Variants in STX3 observed in about 807,000 individuals in gnomAD.
STX3 encodes the protein syntaxin-3.
STX3 carries 19 observed loss-of-function variants against 40.2 expected under a neutral mutation model. The ratio of observed to expected loss-of-function variants is 0.47; its 90% CI spans 0.33 to 0.69. STX3 has a LOEUF of 0.69. Ranked by LOEUF, STX3 falls within the 30% of genes least tolerant of loss-of-function variation. STX3 has a pLI of 0.02. For missense variants in STX3, 364 were observed against 366.7 expected, an observed-to-expected ratio of 0.99 and a Z score of 0.06; for synonymous variants, 122 against 132.2, an observed-to-expected ratio of 0.92 and a Z score of 0.53.
chr11:59,756,231 C>T (rs1590736504), intron 1 of STX3, among the ~76,000 whole-genome samples: 1 of 152,140 alleles, frequency 6.6e-6, no homozygotes, highest in Non-Finnish European at 1.5e-5. Context: ...AGGTAGACTA[C>T]CTCCAGCCTT....
rs369530989 is a variant in STX3, at chr11:59,788,904, T to C, written c.246T>C (p.Thr82=). 6.8e-6 allele frequency: 11 copies of C among 1,612,300 alleles called. No individual in the cohort carries two copies. In the African/African-American group the frequency reaches 1.3e-4, roughly 20 times the overall value. The change falls in exon 4 of 11, where the codon ACT becomes ACC. Residue 82 remains threonine (T), a synonymous_variant. Transcript: ENST00000337979. The part of the protein sequence containing the change: ...KTKDDLEQLT[T]EIKKRANNVR... ...AGGATGACCTAGAGCAGCTCACGAC[T>C]GAGATTAAGAAAAGGGCCAACAACG...
intron 1 of STX3, among the ~76,000 whole-genome samples, chr11:59,764,702 G>A (rs1230359229): frequency 6.6e-6 from 1 of 152,158 alleles, no homozygotes; most frequent in Non-Finnish European, 1.5e-5. Flanking sequence ...GGCTCCCACA[G>A]ACTTGCCTGT....
rs374261180 is a variant in STX3 at position 59,799,861 on chromosome 11, G to T, written c.*31-994G>T. 1.2e-5 allele frequency: 12 copies of T among 985,108 alleles called. No homozygotes were observed. The African/African-American group carries it at 2.1e-4, about 17-fold the overall frequency. The allele number at this position is 985,108 out of a possible 1,614,324, so 61.0% of individuals were successfully genotyped here. A position where few individuals can be genotyped will look rare whatever the true frequency, so the allele number is the denominator to read the frequency against. On this transcript the variant is annotated intron_variant, in intron 10 of 10. Coordinates refer to ENST00000337979, the MANE Select transcript of STX3 (RefSeq NM_004177.5). ...TTCTGGCACTTGGAGTCTAGCCCTT[G>T]ACTTTTTTGTATGTGAACTTTAAAT...
At chr11:59,790,147 C>T (rs965607162) in intron 4 of STX3, among the ~76,000 whole-genome samples, 2 of 152,162 alleles carry the variant, frequency 1.3e-5, no homozygotes, top group African/African-American at 4.8e-5. Flanking sequence ...TGTGTCTTCT[C>T]ATTTAATCTT....
chr11:59,790,173 A>C (rs1440217274), intron 4 of STX3, among the ~76,000 whole-genome samples: 1 of 152,158 alleles, frequency 6.6e-6, no homozygotes, highest in Non-Finnish European at 1.5e-5. Context: ...TAGTATTGTG[A>C]GGGAGGGACT....
chr11:59,787,012 A>C (rs768743818), intron 2 of STX3, 25 bp from the exon 3 acceptor site: 1 of 1,596,992 alleles, frequency 6.3e-7, no homozygotes, highest in Non-Finnish European at 8.6e-7. Flanking sequence ...TTTGATGATG[A>C]AGGTTATTGT....
At chr11:59,799,105 G>T (rs1381848048) in intron 10 of STX3, among the ~76,000 whole-genome samples, 1 of 151,296 alleles carries the variant, frequency 6.6e-6, no homozygotes, top group Non-Finnish European at 1.5e-5. Flanking sequence ...ACCCAGGCTG[G>T]TCTTGAACTC....
chr11:59,775,386 T>C (rs1429109629), intron 2 of STX3, among the ~76,000 whole-genome samples: 1 of 152,222 alleles, frequency 6.6e-6, no homozygotes, highest in Non-Finnish European at 1.5e-5. Context: ...TTGAAGTCTT[T>C]CTAGCTCATC....
chr11:59,777,681 A>G (rs1864056007), intron 2 of STX3, among the ~76,000 whole-genome samples: 1 of 152,248 alleles, frequency 6.6e-6, no homozygotes, highest in Middle Eastern at 3.2e-3. Context: ...GTTCTAGGTC[A>G]GCATCACTGT....
Position 59,773,088 on chromosome 11 carries a change from A to G in STX3, c.31-123A>G, listed in dbSNP as rs186280739. The G allele has an allele frequency of 9.1e-6, 8 of 882,604 alleles. No homozygotes were observed. In the East Asian group the frequency reaches 2.0e-4, roughly 22 times the overall value. The allele number at this position is 882,604 out of a possible 1,614,324, so 54.7% of individuals were successfully genotyped here. On this transcript the variant is annotated intron_variant, in intron 1 of 10. Transcript: ENST00000337979. ...GAATTTGATATATCAGAGAGCTGTT[A>G]TGAGTTTTAAAGGAAATTATGTGTA...
Position 59,755,425 on chromosome 11 carries a change from A to AGGCTCCCGTGGCCTC in STX3, c.-178_-164dup. ...GGGGGCGGAGGGGGCTGCGCGGCGGAGGCTCCCGTGGCCTCGGACGCTCCT... is the reference window on the plus strand; with the variant it reads ...GGGGGCGGAGGGGGCTGCGCGGCGGAGGCTCCCGTGGCCTCGGCTCCCGTGGCCTCGGACGCTCCT... On this transcript the variant is annotated 5_prime_UTR_variant, in exon 1 of 11. Coordinates refer to ENST00000337979, the MANE Select transcript of STX3 (RefSeq NM_004177.5). 2 of 532,454 alleles carry AGGCTCCCGTGGCCTC rather than the reference A, an allele frequency of 3.8e-6. No homozygotes were observed. Among genetic ancestry groups the AGGCTCCCGTGGCCTC allele is most frequent in the Non-Finnish European group, 5.8e-6 (2 of 342,946 alleles). The allele number at this position is 532,454 out of a possible 1,614,324, so 33.0% of individuals were successfully genotyped here. A position where few individuals can be genotyped will look rare whatever the true frequency, so the allele number is the denominator to read the frequency against.
intron 1 of STX3, among the ~76,000 whole-genome samples, chr11:59,766,310 A>C (rs1198193609): frequency 6.7e-6 from 1 of 149,968 alleles, no homozygotes; most frequent in Non-Finnish European, 1.5e-5. Context: ...TTAACTTGGA[A>C]AGGAGGGACA....
chr11:59,778,663 GCTT>G, intron 2 of STX3, among the ~76,000 whole-genome samples: 1 of 152,244 alleles, frequency 6.6e-6, no homozygotes, highest in Non-Finnish European at 1.5e-5. Flanking sequence ...AATGCTTCCT[GCTT>G]CTTTCTTCTC....
At chr11:59,759,185 T>C (rs538893400) in intron 1 of STX3, among the ~76,000 whole-genome samples, 41 of 152,346 alleles carry the variant, frequency 2.7e-4, no homozygotes, top group Non-Finnish European at 4.7e-4. Flanking sequence ...TATCTAATCC[T>C]CTCAACCCTG....
chr11:59,759,012 T>C (rs1862885766), intron 1 of STX3, among the ~76,000 whole-genome samples: 1 of 152,184 alleles, frequency 6.6e-6, no homozygotes, highest in South Asian at 2.1e-4. Context: ...TTGGCCAGTC[T>C]TTGGAAGATG....
At chr11:59,781,974 G>C (rs937897150) in intron 2 of STX3, among the ~76,000 whole-genome samples, 1 of 152,164 alleles carries the variant, frequency 6.6e-6, no homozygotes, top group Non-Finnish European at 1.5e-5. Flanking sequence ...TCAACTAGAG[G>C]TACAAGGTAC....
chr11:59,793,239 G>T (rs1865311768), intron 7 of STX3, 67 bp downstream of exon 7: 5 of 1,607,834 alleles, frequency 3.1e-6, no homozygotes, highest in Non-Finnish European at 4.3e-6. Flanking sequence ...CGGAGCTCAT[G>T]CAGTCCAGCA....
rs75334454 is a variant in STX3, at chr11:59,801,822, CA to C, written c.*1009del. 1,537 of 668,724 alleles carry C rather than the reference CA, an allele frequency of 2.3e-3. No individual in the cohort carries two copies. Among genetic ancestry groups the C allele is most frequent in the Non-Finnish European group, 2.4e-3 (1,339 of 548,850 alleles). The allele number at this position is 668,724 out of a possible 1,614,324, so 41.4% of individuals were successfully genotyped here. A position where few individuals can be genotyped will look rare whatever the true frequency, so the allele number is the denominator to read the frequency against. On this transcript the variant is annotated 3_prime_UTR_variant, in exon 11 of 11. Transcript: ENST00000337979. ...ATAAAAATGGAAGCTATTATGACCT[CA>C]AAAAAAAAAAGCCAACTTTGAGCTA...
At chr11:59,781,100 T>TTTTTTTTTTTTTTTTTATATA (rs963410109) in intron 2 of STX3, among the ~76,000 whole-genome samples, 10 of 146,302 alleles carry the variant, frequency 6.8e-5, no homozygotes, top group African/African-American at 2.3e-4. Context: ...TTTTTTTTTT[T>TTTTTTTTTTTTTTTTTATATA]TATATTAGCA....
Sources: allele counts gnomAD v4.1 joint callset (sites outside exome capture counted in the v4.1 genomes callset), GRCh38; gene constraint gnomAD v4.1.1; transcripts MANE v1.5; gene names NCBI Gene and HGNC (gene_info 2026-07-23, HGNC 2026-07-21).